BRIP1: variants seen among roughly 807,000 people sequenced by gnomAD.
BRIP1 encodes the protein Fanconi anemia group J protein.
Under a neutral mutation model 119.7 loss-of-function variants are expected in BRIP1, and 88 were observed. That is an observed-to-expected ratio of 0.74 (90% CI 0.62 to 0.88). The LOEUF is 0.88. BRIP1 is among the 40% of genes least tolerant of loss of function. The pLI is 0.00. For missense variants in BRIP1, 1,259 were observed against 1,455.4 expected (o/e 0.87, Z 2.20); for synonymous variants, 443 against 496.5 (o/e 0.89, Z 1.43).
At position 61,681,307 on chromosome 17, in the gene BRIP1, C is replaced by T; in HGVS notation, c.*1989G>A. ...AATAATATGCTTTATTTTAACCGTT[C>T]TGGAACAAAAGCAAATGAAAATCGA... On this transcript the variant is annotated 3_prime_UTR_variant, in exon 20 of 20. Transcript: ENST00000259008. The surrounding 1 kb of genome is among the most constrained non-coding windows in gnomAD (Gnocchi z 5.1). 4.8e-6 allele frequency: 1 copy of T among 210,492 alleles called. No individual in the cohort carries two copies. Among genetic ancestry groups the T allele is most frequent in the Non-Finnish European group, 9.6e-6 (1 of 103,774 alleles). 13.0% of individuals were successfully genotyped at this position (210,492 alleles called of 1,614,324 possible).
rs780632074 is a variant in BRIP1, at chr17:61,796,590, C to T, written c.1340+2510G>A. ...AGGTGTGTGGATTTGTTTCTGAGTT[C>T]TCTATTCTGTTCCATTGATCTGTGT... On this transcript the variant is annotated intron_variant, in intron 9 of 19. Coordinates refer to ENST00000259008, the MANE Select transcript of BRIP1 (RefSeq NM_032043.3). The surrounding 1 kb of genome is among the most constrained non-coding windows in gnomAD (Gnocchi z 4.8). Among the ~76,000 whole-genome samples the T allele has an allele frequency of 7.9e-5, 12 of 151,970 alleles. No individual in the cohort carries two copies. The highest frequency in any genetic ancestry group is 1.9e-4 in the East Asian group (1 of 5,188).
At chr17:61,779,687 G>A (rs2077584501) in intron 13 of BRIP1, among the ~76,000 whole-genome samples, 1 of 151,942 alleles carries the variant, frequency 6.6e-6, no homozygotes, top group Admixed American at 6.6e-5. Flanking sequence ...TGGGCACAGT[G>A]GCTCACGCCT....
rs1313622408 is a variant in BRIP1, at chr17:61,725,938, T to C, written c.2380-9875A>G. Among the ~76,000 whole-genome samples, 1 of 150,652 alleles carries C rather than the reference T, an allele frequency of 6.6e-6. No individual in the cohort carries two copies. The highest frequency in any genetic ancestry group is 1.9e-4 in the East Asian group (1 of 5,200). On this transcript the variant is annotated intron_variant, in intron 16 of 19. Transcript: ENST00000259008. This position sits in a 1 kb window ranked among gnomAD's most constrained non-coding sequence, Gnocchi z 5.3. ...ACCATGCCTGGCCTAAAAAATTCTT[T>C]TTAAGAGTAATGACCTTTGTGTCAA...
chr17:61,779,565 A>G (rs1487041086), intron 13 of BRIP1, among the ~76,000 whole-genome samples: 1 of 152,236 alleles, frequency 6.6e-6, no homozygotes, highest in Admixed American at 6.5e-5. Flanking sequence ...GGCTGCAGTG[A>G]GCCAAGATCG....
chr17:61,817,134 A>C (rs1176606996), intron 6 of BRIP1, among the ~76,000 whole-genome samples: 1 of 152,208 alleles, frequency 6.6e-6, no homozygotes, highest in Admixed American at 6.5e-5. Context: ...TGATATAAGA[A>C]ATATACTCTT....
intron 4 of BRIP1, among the ~76,000 whole-genome samples, chr17:61,850,720 C>T (rs1048814089): frequency 1.3e-5 from 2 of 151,324 alleles, no homozygotes; most frequent in Non-Finnish European, 1.5e-5. Flanking sequence ...CCCAGCTACT[C>T]GGGAGGTTGA....
chr17:61,786,257 G>A (rs1035251861), intron 10 of BRIP1, among the ~76,000 whole-genome samples: 4 of 151,730 alleles, frequency 2.6e-5, no homozygotes, highest in Admixed American at 1.3e-4. Context: ...GTGTCTAAAG[G>A]AGCTAAATCA....
In BRIP1 at chr17:61,848,149, C is replaced by T. The variant is rs924283279; in HGVS notation, c.508-929G>A. Among the ~76,000 whole-genome samples the T allele has an allele frequency of 7.2e-5, 11 of 151,794 alleles. No homozygotes were observed. The highest frequency in any genetic ancestry group is 2.4e-4 in the African/African-American group (10 of 41,468). On this transcript the variant is annotated intron_variant, in intron 5 of 19. Coordinates refer to ENST00000259008, the MANE Select transcript of BRIP1 (RefSeq NM_032043.3). This position sits in a 1 kb window ranked among gnomAD's most constrained non-coding sequence, Gnocchi z 4.3. ...CAGTTACTTACCTACAAATAACATC[C>T]TAATTAATAATTTTTTTATTTTATG...
rs2145861100 is a variant in BRIP1, at chr17:61,861,195, GT to G, written c.93+251del. 6.6e-6 allele frequency among the ~76,000 whole-genome samples: 1 copy of G among 152,240 alleles called. No individual in the cohort carries two copies. Among genetic ancestry groups the G allele is most frequent in the African/African-American group, 2.4e-5 (1 of 41,538 alleles). On this transcript the variant is annotated intron_variant, in intron 2 of 19. Coordinates refer to ENST00000259008, the MANE Select transcript of BRIP1 (RefSeq NM_032043.3). The surrounding 1 kb of genome is among the most constrained non-coding windows in gnomAD (Gnocchi z 4.5). Reference sequence around the variant, plus strand: ...TCTGTTTTTACTTAAAAGTATAGCAGTTTTTCATTAAAAGTATAGAAATTCC... The same window carrying G: ...TCTGTTTTTACTTAAAAGTATAGCAGTTTTCATTAAAAGTATAGAAATTCC...
At position 61,752,142 on chromosome 17, in the gene BRIP1, T is replaced by G. The variant is rs2077140060; in HGVS notation, c.2098-7551A>C. Among the ~76,000 whole-genome samples, 1 of 152,166 alleles carries G rather than the reference T, an allele frequency of 6.6e-6. No individual in the cohort carries two copies. The highest frequency in any genetic ancestry group is 2.4e-5 in the African/African-American group (1 of 41,438). On this transcript the variant is annotated intron_variant, in intron 14 of 19. Coordinates refer to ENST00000259008, the MANE Select transcript of BRIP1 (RefSeq NM_032043.3). This position sits in a 1 kb window ranked among gnomAD's most constrained non-coding sequence, Gnocchi z 6.2. ...ATGGATACTCAGATCTCCATTTTAT[T>G]ATTATTTAAAATGTACATATTAGTT...
At chr17:61,696,422 C>A (rs952744685) in intron 17 of BRIP1, among the ~76,000 whole-genome samples, 1 of 151,882 alleles carries the variant, frequency 6.6e-6, no homozygotes, top group African/African-American at 2.4e-5. Flanking sequence ...CTTCTTTTCT[C>A]GTAATGTATT....
chr17:61,689,856 T>A lies in BRIP1; in HGVS notation c.2575+3574A>T, dbSNP rs11654922. ...TGAGACCCCATCTCTACAAAAAAAATTAAAAATTAGCCAGGTCTGGTGGTG... is the reference window on the plus strand; with the variant it reads ...TGAGACCCCATCTCTACAAAAAAAAATAAAAATTAGCCAGGTCTGGTGGTG... On this transcript the variant is annotated intron_variant, in intron 18 of 19. Coordinates refer to ENST00000259008, the MANE Select transcript of BRIP1 (RefSeq NM_032043.3). This position sits in a 1 kb window ranked among gnomAD's most constrained non-coding sequence, Gnocchi z 4.5. 2.0e-5 allele frequency among the ~76,000 whole-genome samples: 3 copies of A among 151,914 alleles called. No individual in the cohort carries two copies. The highest frequency in any genetic ancestry group is 3.4e-3 in the Middle Eastern group (1 of 294).
intron 6 of BRIP1, among the ~76,000 whole-genome samples, chr17:61,836,160 G>C (rs1567858743): frequency 7.2e-6 from 1 of 138,138 alleles, no homozygotes; most frequent in Non-Finnish European, 1.5e-5. Flanking sequence ...CACCCAAGCT[G>C]GAATGCAGTG....
intron 10 of BRIP1, among the ~76,000 whole-genome samples, chr17:61,785,929 G>GT (rs1555604003): frequency 1.0e-5 from 1 of 98,152 alleles, no homozygotes; most frequent in Non-Finnish European, 2.5e-5. Flanking sequence ...CAGCTGGGTT[G>GT]GGGGGGGTAG....
intron 6 of BRIP1, among the ~76,000 whole-genome samples, chr17:61,811,838 G>C (rs2078166761): frequency 6.6e-6 from 1 of 151,970 alleles, no homozygotes; most frequent in Non-Finnish European, 1.5e-5. Context: ...TCTAGTCCCA[G>C]ATACTCGGGA....
rs559212363 is a variant in BRIP1, at chr17:61,839,398, G to T, written c.627+7703C>A. ...AATCATTTTACCTATGTATTTTTGG[G>T]TTTTTTTTTCCCATAACCTTTCAGA... On this transcript the variant is annotated intron_variant, in intron 6 of 19. Coordinates refer to ENST00000259008, the MANE Select transcript of BRIP1 (RefSeq NM_032043.3). 6.9e-3 allele frequency among the ~76,000 whole-genome samples: 1,032 copies of T among 150,524 alleles called. 8 individuals are homozygous for T. Among genetic ancestry groups the T allele is most frequent in the African/African-American group, 0.024 (986 of 41,042 alleles).
rs929374797 is a variant in BRIP1, at chr17:61,860,279, C to A, written c.94-372G>T. Among the ~76,000 whole-genome samples, 1 of 152,180 alleles carries A rather than the reference C, an allele frequency of 6.6e-6. No individual in the cohort carries two copies. The highest frequency in any genetic ancestry group is 1.5e-5 in the Non-Finnish European group (1 of 68,026). Reference sequence around the variant, plus strand: ...TACAACTACTTGGTAGAGAAATAAACAATTTCTTATAAAGTGAAGATGCCC... The same window carrying A: ...TACAACTACTTGGTAGAGAAATAAAAAATTTCTTATAAAGTGAAGATGCCC... On this transcript the variant is annotated intron_variant, in intron 2 of 19. Transcript: ENST00000259008. The surrounding 1 kb of genome is among the most constrained non-coding windows in gnomAD (Gnocchi z 4.1).
intron 16 of BRIP1, among the ~76,000 whole-genome samples, chr17:61,716,830 G>A (rs994595757): frequency 6.6e-6 from 1 of 151,158 alleles, no homozygotes; most frequent in African/African-American, 2.4e-5. Flanking sequence ...TTCCACTACT[G>A]GATTATTAGC....
In BRIP1 at chr17:61,755,217, T is replaced by C. The variant is rs1020611490; in HGVS notation, c.2098-10626A>G. Among the ~76,000 whole-genome samples, 1 of 150,958 alleles carries C rather than the reference T, an allele frequency of 6.6e-6. No individual in the cohort carries two copies. The highest frequency in any genetic ancestry group is 2.4e-5 in the African/African-American group (1 of 41,012). Reference sequence around the variant, plus strand: ...AACAATGGAAGGTCAGGGAGGAGAGTAGGGAGGGGTAAAACATAACTGTAA... The same window carrying C: ...AACAATGGAAGGTCAGGGAGGAGAGCAGGGAGGGGTAAAACATAACTGTAA... On this transcript the variant is annotated intron_variant, in intron 14 of 19. Transcript: ENST00000259008. The surrounding 1 kb of genome is among the most constrained non-coding windows in gnomAD (Gnocchi z 4.5).
Sources: gnomAD v4.1 joint callset for allele counts (sites outside exome capture counted in the v4.1 genomes callset) on GRCh38, gnomAD v4.1.1 for gene constraint, Gnocchi (gnomAD v3.1) non-coding constraint, MANE v1.5 for transcripts, NCBI Gene and HGNC (gene_info 2026-07-23, HGNC 2026-07-21) for gene names.